ADCY5: variants seen among roughly 807,000 people sequenced by gnomAD.
The protein encoded by ADCY5 is adenylate cyclase 5, also known as adenylate cyclase type 5.
In ADCY5, 30 loss-of-function variants were observed where a neutral mutation model predicts 119.7. That is an observed-to-expected ratio of 0.25 (90% confidence interval 0.19 to 0.34). The LOEUF is 0.34. Among genes scored for constraint, ADCY5 ranks in the 10% least tolerant of loss-of-function variants. The pLI is 1.00. For missense variants in ADCY5, 1,324 were observed against 1,775.2 expected, an observed-to-expected ratio of 0.75 and a Z score of 4.57; for synonymous variants, 753 against 762.2, an observed-to-expected ratio of 0.99 and a Z score of 0.20.
At position 123,448,084 on chromosome 3, in the gene ADCY5, G is replaced by A; in HGVS notation, c.462C>T (p.Arg154=). 3.3e-6 allele frequency: 4 copies of A among 1,217,792 alleles called. No homozygotes were observed. Among genetic ancestry groups the A allele is most frequent in the Non-Finnish European group, 4.1e-6 (4 of 976,482 alleles). 75.4% of individuals were successfully genotyped at this position (1,217,792 alleles called of 1,614,324 possible). ...GCTCCTCCAGACCCACCTCCACCGA[G>A]CGAGGGCGCACCTCCGTCCCGCCCG... ...ASAGGTEVRP[R]SVEVGLEERR... Residue 154 remains arginine, a synonymous_variant, in exon 1 of 21, where the codon CGC becomes CGT. Transcript: ENST00000462833.
At chr3:123,408,353 T>TG (rs997975012) in intron 1 of ADCY5, among the ~76,000 whole-genome samples, 3 of 151,794 alleles carry the variant, frequency 2.0e-5, no homozygotes, top group Non-Finnish European at 2.9e-5. Flanking sequence ...TTGTTTTTTT[T>TG]TTTTTTTTTA....
At chr3:123,313,646 G>A (rs1390137898) in intron 12 of ADCY5, among the ~76,000 whole-genome samples, 1 of 152,210 alleles carries the variant, frequency 6.6e-6, no homozygotes, top group Non-Finnish European at 1.5e-5. Context: ...GACACGGCTG[G>A]ACAGGGGACA....
At chr3:123,292,036 C>A (rs1939186745) in intron 17 of ADCY5, among the ~76,000 whole-genome samples, 1 of 152,176 alleles carries the variant, frequency 6.6e-6, no homozygotes, top group Non-Finnish European at 1.5e-5. Context: ...TTTTTGGTCA[C>A]CCACCTTCCA....
intron 10 of ADCY5, among the ~76,000 whole-genome samples, chr3:123,318,694 T>C (rs1188429295): frequency 6.6e-6 from 1 of 152,194 alleles, no homozygotes; most frequent in African/African-American, 2.4e-5. Context: ...CAGCTTCACC[T>C]TGCTAATTCA....
chr3:123,291,257 C>A lies in ADCY5; in HGVS notation c.3183G>T (p.Glu1061Asp), dbSNP rs146298419. ...CACACTCACAGGACTGATAGTAGAG[C>A]TCATCATTGCGCCGCTCGCGGGCCA... Reference protein sequence around the residue: ...HFLARERRNDELYYQSCECVA... With the variant: ...HFLARERRNDDLYYQSCECVA... Residue 1061 changes from glutamate (E) to aspartate (D), a missense_variant, in exon 18 of 21, where the codon GAG becomes GAT. Physicochemically the swap from Glu to Asp is conservative, Grantham distance 45. Around this residue, in one of 6 missense-constraint regions of ADCY5, gnomAD observed 178 missense variants for 329.6 expected, o/e 0.54. Coordinates refer to ENST00000462833, the MANE Select transcript of ADCY5 (RefSeq NM_183357.3). 1 of 1,613,940 alleles carries A rather than the reference C, an allele frequency of 6.2e-7. No homozygotes were observed. Among genetic ancestry groups the A allele is most frequent in the African/African-American group, 1.3e-5 (1 of 74,948 alleles).
Position 123,444,911 on chromosome 3 carries a change from A to G in ADCY5, c.1134+2501T>C, listed in dbSNP as rs1028142376. Among the ~76,000 whole-genome samples the G allele has an allele frequency of 4.6e-5, 7 of 152,344 alleles. No homozygotes were observed. The South Asian group carries it at 8.3e-4, about 18-fold the overall frequency. On this transcript the variant is annotated intron_variant, in intron 1 of 20. Transcript: ENST00000462833. ...GGCATCTAATCCCAACCACTCTTACATGCCTGCTGTTCTGGAGTAACCTGA... is the reference window on the plus strand; with the variant it reads ...GGCATCTAATCCCAACCACTCTTACGTGCCTGCTGTTCTGGAGTAACCTGA...
Position 123,303,619 on chromosome 3 carries a change from C to A in ADCY5, c.2560-400G>T, listed in dbSNP as rs144796607. ...TTGAGCCCAGGAGTTTGAGACCAGC[C>A]TGGCGACCAGCCTGGCAACATGGGG... is the stretch of plus-strand genomic sequence containing the variant. On this transcript the variant is annotated intron_variant, in intron 13 of 20. Transcript: ENST00000462833. Among the ~76,000 whole-genome samples the A allele has an allele frequency of 1.0e-3, 158 of 152,220 alleles. 3 individuals carry two copies. In the East Asian group the frequency reaches 0.025, roughly 24 times the overall value.
intron 1 of ADCY5, among the ~76,000 whole-genome samples, chr3:123,396,767 A>AGGCAGGCAGGC (rs1944591816): frequency 1.2e-5 from 1 of 83,736 alleles, no homozygotes; most frequent in Non-Finnish European, 2.6e-5. Context: ...GGAAGGAAGG[A>AGGCAGGCAGGC]AGGAAGGAAG....
At chr3:123,425,406 G>C (rs755890434) in intron 1 of ADCY5, among the ~76,000 whole-genome samples, 1 of 152,202 alleles carries the variant, frequency 6.6e-6, no homozygotes, top group Non-Finnish European at 1.5e-5. Flanking sequence ...TCTGCAACAG[G>C]CCTCACAGGC....
At chr3:123,288,055 T>C (rs1938898770) in intron 19 of ADCY5, among the ~76,000 whole-genome samples, 1 of 152,204 alleles carries the variant, frequency 6.6e-6, no homozygotes, top group Non-Finnish European at 1.5e-5. Context: ...AAATGGAGGC[T>C]GCACATCACT....
intron 1 of ADCY5, among the ~76,000 whole-genome samples, chr3:123,368,896 G>A (rs1943543055): frequency 6.6e-6 from 1 of 152,220 alleles, no homozygotes; most frequent in African/African-American, 2.4e-5. Flanking sequence ...ATTGAAGGCT[G>A]CAGGGTACCT....
In ADCY5 at chr3:123,286,201, G is replaced by C. The variant is rs944360418; in HGVS notation, c.3657+484C>G. Among the ~76,000 whole-genome samples, 1 of 152,210 alleles carries C rather than the reference G, an allele frequency of 6.6e-6. No homozygotes were observed. The highest frequency in any genetic ancestry group is 2.4e-5 in the African/African-American group (1 of 41,454). On this transcript the variant is annotated intron_variant, in intron 20 of 20. Coordinates refer to ENST00000462833, the MANE Select transcript of ADCY5 (RefSeq NM_183357.3). This position sits in a 1 kb window ranked among gnomAD's most constrained non-coding sequence, Gnocchi z 4.2. The stretch of plus-strand genomic sequence containing the variant: ...CGCAAAGGAGGGAGCAAGGGGAAAA[G>C]GCCTCTGAGTCTGTGGCCAGGGCCC...
chr3:123,370,102 T>C (rs1039133293), intron 1 of ADCY5, among the ~76,000 whole-genome samples: 2 of 152,090 alleles, frequency 1.3e-5, no homozygotes, highest in Admixed American at 1.3e-4. Flanking sequence ...ACTCAACCAT[T>C]ATGATAGAAG....
chr3:123,301,452 C>A (rs1939848525), intron 14 of ADCY5, among the ~76,000 whole-genome samples: 1 of 152,154 alleles, frequency 6.6e-6, no homozygotes, highest in Admixed American at 6.5e-5. Context: ...GAGCCTCAGT[C>A]TTTGGGAGGA....
At chr3:123,390,593 A>C (rs1229360245) in intron 1 of ADCY5, among the ~76,000 whole-genome samples, 4 of 152,202 alleles carry the variant, frequency 2.6e-5, no homozygotes, top group Admixed American at 1.3e-4. Context: ...AGGAAGATAA[A>C]AAGTTGCTTT....
intron 14 of ADCY5, 108 bp downstream of exon 14, chr3:123,302,947 T>G: frequency 2.3e-5 from 31 of 1,335,322 alleles, no homozygotes; most frequent in African/African-American, 2.9e-5. Flanking sequence ...TAGAAGACAG[T>G]GAGCTGGTGA....
intron 3 of ADCY5, among the ~76,000 whole-genome samples, chr3:123,341,038 T>C (rs556443044): frequency 1.3e-5 from 2 of 152,134 alleles, no homozygotes; most frequent in East Asian, 3.9e-4. Flanking sequence ...GGCAGGAGAA[T>C]TGCTTGAACC....
At position 123,283,945 on chromosome 3, in the gene ADCY5, TTTTG is replaced by T. The variant is rs1450997123; in HGVS notation, c.*659_*662del. ...TCTAAAGAAGGGCACGGAGAACTTG[TTTTG>T]TTTTATTTAATAAATATTTTTCTCA... On this transcript the variant is annotated 3_prime_UTR_variant, in exon 21 of 21. Coordinates refer to ENST00000462833, the MANE Select transcript of ADCY5 (RefSeq NM_183357.3). 1 of 151,480 alleles carries T rather than the reference TTTTG, an allele frequency of 6.6e-6. No homozygotes were observed. The highest frequency in any genetic ancestry group is 1.5e-5 in the Non-Finnish European group (1 of 67,806). 9.4% of individuals were successfully genotyped at this position (151,480 alleles called of 1,614,324 possible).
At position 123,370,537 on chromosome 3, in the gene ADCY5, T is replaced by C. The variant is rs561595947; in HGVS notation, c.1135-17956A>G. On this transcript the variant is annotated intron_variant, in intron 1 of 20. Coordinates refer to ENST00000462833, the MANE Select transcript of ADCY5 (RefSeq NM_183357.3). ...ACGTTCTTCTGGGCTACAACATAGATAGGCTCCAAACCCAGCTTTGACCAT... is the reference window on the plus strand; with the variant it reads ...ACGTTCTTCTGGGCTACAACATAGACAGGCTCCAAACCCAGCTTTGACCAT... Among the ~76,000 whole-genome samples, 242 of 152,298 alleles carry C rather than the reference T, an allele frequency of 1.6e-3. 1 individual carries two copies. Among genetic ancestry groups the C allele is most frequent in the African/African-American group, 5.7e-3 (235 of 41,568 alleles).
Sources: allele counts gnomAD v4.1 joint callset (sites outside exome capture counted in the v4.1 genomes callset), GRCh38; gene constraint gnomAD v4.1.1; regional missense constraint gnomAD v4.1.1; non-coding constraint Gnocchi (gnomAD v3.1); transcripts MANE v1.5; gene names NCBI Gene and HGNC (gene_info 2026-07-23, HGNC 2026-07-21).